Variants in RAPGEF5 observed in about 807,000 individuals in gnomAD.
The protein encoded by RAPGEF5 is Rap guanine nucleotide exchange factor 5, also known as M-Ras-regulated GEF.
Under a neutral mutation model 125.2 loss-of-function variants are expected in RAPGEF5, and 65 were observed. The observed-to-expected ratio is 0.52, with a 90% CI of 0.43 to 0.64. RAPGEF5 has a LOEUF of 0.64. RAPGEF5 is among the 30% of genes least tolerant of loss of function. The pLI is 0.00. For synonymous variants in RAPGEF5, 391 were observed against 385.9 expected, an observed-to-expected ratio of 1.01 and a Z score of -0.16; for missense variants, 958 against 1,048.1, an observed-to-expected ratio of 0.91 and a Z score of 1.19.
intron 11 of RAPGEF5, among the ~76,000 whole-genome samples, chr7:22,173,720 T>C (rs1784419905): frequency 6.6e-6 from 1 of 152,202 alleles, no homozygotes; most frequent in African/African-American, 2.4e-5. Flanking sequence ...TTTAAAAATG[T>C]TACTTGGAGG....
At chr7:22,215,209 T>A (rs1362158) in intron 9 of RAPGEF5, among the ~76,000 whole-genome samples, 1 of 152,116 alleles carries the variant, frequency 6.6e-6, no homozygotes, top group Non-Finnish European at 1.5e-5. Flanking sequence ...ACACCCCCAA[T>A]TCTTGGTATT....
At chr7:22,325,043 C>G (rs1168842940) in intron 1 of RAPGEF5, among the ~76,000 whole-genome samples, 3 of 152,150 alleles carry the variant, frequency 2.0e-5, no homozygotes, top group Non-Finnish European at 4.4e-5. Context: ...TGAGCCCTTG[C>G]CATGATCTCT....
intron 17 of RAPGEF5, among the ~76,000 whole-genome samples, chr7:22,152,829 C>CTCTACAGAA (rs1399775287): frequency 6.6e-6 from 1 of 152,116 alleles, no homozygotes; most frequent in Non-Finnish European, 1.5e-5. Flanking sequence ...TAAAAAGATG[C>CTCTACAGAA]AGGCAGAAAG....
intron 8 of RAPGEF5, among the ~76,000 whole-genome samples, chr7:22,221,615 G>C (rs1362027644): frequency 1.3e-5 from 2 of 152,074 alleles, no homozygotes; most frequent in Non-Finnish European, 2.9e-5. Context: ...TCGTAGTATT[G>C]AATAAGTCTC....
chr7:22,326,206 T>C (rs1783811333), intron 1 of RAPGEF5, among the ~76,000 whole-genome samples: 1 of 152,166 alleles, frequency 6.6e-6, no homozygotes, highest in Non-Finnish European at 1.5e-5. Flanking sequence ...TTCCACTTTT[T>C]ATTTTTCAAT....
chr7:22,261,021 C>A (rs1044038500), intron 7 of RAPGEF5, among the ~76,000 whole-genome samples: 5 of 152,088 alleles, frequency 3.3e-5, no homozygotes, highest in Admixed American at 3.3e-4. Context: ...GGGTAACTGG[C>A]TTAACATAAG....
rs573803811 is a variant in RAPGEF5 at position 22,200,901 on chromosome 7, T to C, written c.997-6868A>G. Among the ~76,000 whole-genome samples, 5 of 152,328 alleles carry C rather than the reference T, an allele frequency of 3.3e-5. No individual in the cohort carries two copies. In the East Asian group the frequency reaches 9.6e-4, roughly 29 times the overall value. On this transcript the variant is annotated intron_variant, in intron 9 of 25. Coordinates refer to ENST00000665637, the MANE Select transcript of RAPGEF5 (RefSeq NM_012294.5). ...AGCATCTTGAAATATAAAGTCAATG[T>C]CTTTTTATTATGAATATATTTCAAC...
chr7:22,176,739 C>G (rs556931220), intron 11 of RAPGEF5, among the ~76,000 whole-genome samples: 1 of 152,110 alleles, frequency 6.6e-6, no homozygotes, highest in Non-Finnish European at 1.5e-5. Flanking sequence ...CCATGTTGGT[C>G]AGGCTGGTCC....
At chr7:22,288,198 C>A (rs1442195162) in intron 6 of RAPGEF5, among the ~76,000 whole-genome samples, 9 of 151,636 alleles carry the variant, frequency 5.9e-5, no homozygotes, top group African/African-American at 2.2e-4. Context: ...CTCTCACTGT[C>A]CTCTAGTCTC....
rs923475749 is a variant in RAPGEF5, at chr7:22,160,525, G to A, written c.1519C>T (p.Arg507Cys). The change falls in exon 14 of 26, where the codon CGT becomes TGT. Residue 507 changes from arginine to cysteine, a missense_variant. Transcript: ENST00000665637. ...KEFQKILGMHRRHTVDEYSPQ... is the reference protein window; with the variant it reads ...KEFQKILGMHCRHTVDEYSPQ... ...GGAAAATGAAATACTTACTGACGAC[G>A]GTGCATTCCAAGTATCTTTTGAAAT... is the stretch of plus-strand genomic sequence containing the variant. 1.6e-5 allele frequency: 25 copies of A among 1,541,634 alleles called. 1 individual carries two copies. The South Asian group carries it at 2.1e-4, about 13-fold the overall frequency.
intron 6 of RAPGEF5, among the ~76,000 whole-genome samples, chr7:22,272,654 A>T (rs562171337): frequency 6.6e-6 from 1 of 152,342 alleles, no homozygotes; most frequent in South Asian, 2.1e-4. Flanking sequence ...TTCCCAAAAA[A>T]TATACAACTT....
chr7:22,121,617 C>G lies in RAPGEF5; in HGVS notation c.*789G>C, dbSNP rs1439769126. The G allele has an allele frequency of 6.6e-6, 1 of 152,154 alleles. No homozygotes were observed. Among genetic ancestry groups the G allele is most frequent in the Non-Finnish European group, 1.5e-5 (1 of 68,006 alleles). 9.4% of individuals were successfully genotyped at this position (152,154 alleles called of 1,614,324 possible). A position where few individuals can be genotyped will look rare whatever the true frequency, so the allele number is the denominator to read the frequency against. The stretch of plus-strand genomic sequence containing the variant: ...TATTATGTCCAATAAAAGATAAGAG[C>G]CTGCTTAGAAGTATAAAGAAAATCC... On this transcript the variant is annotated 3_prime_UTR_variant, in exon 26 of 26. Transcript: ENST00000665637.
chr7:22,243,241 GT>G (rs1283698507), intron 7 of RAPGEF5, among the ~76,000 whole-genome samples: 4 of 151,856 alleles, frequency 2.6e-5, no homozygotes, highest in South Asian at 2.1e-4. Flanking sequence ...GGATAAAAAA[GT>G]TTTTTTTGTT....
chr7:22,129,812 C>T (rs995709576), intron 24 of RAPGEF5, among the ~76,000 whole-genome samples: 1 of 152,118 alleles, frequency 6.6e-6, no homozygotes, highest in Non-Finnish European at 1.5e-5. Context: ...CAAGATATTC[C>T]AAGACTGTAT....
chr7:22,193,943 T>C lies in RAPGEF5; in HGVS notation c.1087A>G (p.Thr363Ala), dbSNP rs2128126234. 6.2e-7 allele frequency: 1 copy of C among 1,613,864 alleles called. No individual in the cohort carries two copies. Among genetic ancestry groups the C allele is most frequent in the Non-Finnish European group, 8.5e-7 (1 of 1,179,842 alleles). The part of the protein sequence containing the change: ...KKVQCCGPAP[T>A]AGSAESHWRY... Reference sequence around the variant, plus strand: ...CAATGGCTCTCCGCACTCCCAGCTGTGGGGGCTGGGCCACAGCACTGCACT... The same window carrying C: ...CAATGGCTCTCCGCACTCCCAGCTGCGGGGGCTGGGCCACAGCACTGCACT... The change falls in exon 10 of 26, where the codon ACA (threonine) becomes GCA (alanine). Residue 363 changes from threonine to alanine, a missense_variant. Thr to Ala is a moderately conservative substitution (Grantham distance 58). Transcript: ENST00000665637.
intron 20 of RAPGEF5, among the ~76,000 whole-genome samples, chr7:22,141,278 C>A (rs1193097925): frequency 1.3e-5 from 2 of 152,022 alleles, no homozygotes; most frequent in Non-Finnish European, 2.9e-5. Flanking sequence ...GATTTTTTTC[C>A]CATTACATTG....
chr7:22,266,851 T>C (rs1445207443), intron 7 of RAPGEF5, 113 bp downstream of exon 7: 1 of 1,010,652 alleles, frequency 9.9e-7, no homozygotes, highest in Non-Finnish European at 1.5e-6. Context: ...TATAATTCTT[T>C]GCATTCTACA....
At chr7:22,291,471 T>A (rs137903392) in intron 5 of RAPGEF5, among the ~76,000 whole-genome samples, 251 of 152,274 alleles carry the variant, frequency 1.6e-3, no homozygotes, top group African/African-American at 5.1e-3. Flanking sequence ...ACCAATTGAA[T>A]CCTGACGATG....
intron 1 of RAPGEF5, among the ~76,000 whole-genome samples, chr7:22,343,638 G>C (rs941237112): frequency 5.3e-5 from 8 of 152,080 alleles, no homozygotes; most frequent in African/African-American, 1.9e-4. Context: ...TTCATGGTGA[G>C]GTTACTGTAG....
Sources: gnomAD v4.1 joint callset for allele counts (sites outside exome capture counted in the v4.1 genomes callset) on GRCh38, gnomAD v4.1.1 for gene constraint, MANE v1.5 for transcripts, NCBI Gene and HGNC (gene_info 2026-07-23, HGNC 2026-07-21) for gene names.